RELT: variants seen among roughly 807,000 people sequenced by gnomAD.
RELT encodes tumor necrosis factor receptor superfamily member 19L.
A neutral mutation model predicts 51.1 loss-of-function variants in RELT; 37 were observed. The observed-to-expected ratio is 0.72, with a 90% CI of 0.56 to 0.95. RELT has a LOEUF of 0.95. RELT is among the 40% of genes least tolerant of loss of function. RELT has a pLI of 0.00. For synonymous variants in RELT, 241 were observed against 235.7 expected (o/e 1.02, Z -0.21); for missense variants, 535 against 572.6 (o/e 0.93, Z 0.67).
chr11:73,389,663 C>T (rs1241529277), intron 2 of RELT, among the ~76,000 whole-genome samples: 1 of 152,252 alleles, frequency 6.6e-6, no homozygotes, highest in Non-Finnish European at 1.5e-5. Flanking sequence ...CTTGCAGCAT[C>T]TTGGGGTCTG....
chr11:73,396,592 G>T lies in RELT; in HGVS notation c.*1101G>T, dbSNP rs1866322712. The T allele has an allele frequency of 6.6e-6, 1 of 152,294 alleles. No homozygotes were observed. 9.4% of individuals were successfully genotyped at this position (152,294 alleles called of 1,614,324 possible). On this transcript the variant is annotated 3_prime_UTR_variant, in exon 11 of 11. Coordinates refer to ENST00000064780, the MANE Select transcript of RELT (RefSeq NM_152222.2). ...TGAAACTCACCATTGCCCTATCCTT[G>T]TGTCTCCACCCCCTTCCATGTGTTG...
rs1003649904 is a variant in RELT at position 73,389,127 on chromosome 11, G to A, written c.-10G>A. On this transcript the variant is annotated 5_prime_UTR_variant, in exon 2 of 11. Coordinates refer to ENST00000064780, the MANE Select transcript of RELT (RefSeq NM_152222.2). ...TCTGCCCTAGGCCGGCGACCACCAG[G>A]GGCCTGAGGATGAAGCCAAGTCTGC... 6.5e-7 allele frequency: 1 copy of A among 1,547,642 alleles called. No individual in the cohort carries two copies. The highest frequency in any genetic ancestry group is 8.7e-7 in the Non-Finnish European group (1 of 1,146,118).
Position 73,390,613 on chromosome 11 carries a change from G to A in RELT, c.108G>A (p.Glu36=), listed in dbSNP as rs1866195900. The part of the protein sequence containing the change: ...STTLWQCPPG[E]EPDLDPGQGT... ...CCCTTTGGCAGTGCCCACCTGGGGA[G>A]GAGCCCGACCTGGTGAGCATTGCCC... The change falls in exon 3 of 11, where the codon GAG becomes GAA. Residue 36 remains glutamate (E), a synonymous_variant. Coordinates refer to ENST00000064780, the MANE Select transcript of RELT (RefSeq NM_152222.2). The A allele has an allele frequency of 1.2e-6, 2 of 1,613,816 alleles. No individual in the cohort carries two copies. Among genetic ancestry groups the A allele is most frequent in the South Asian group, 1.1e-5 (1 of 91,092 alleles).
rs745459138 is a variant in RELT, at chr11:73,392,247, C to T, written c.404C>T (p.Ala135Val). ...GRRARRGVEVAAGASSGGETR... is the reference protein window; with the variant it reads ...GRRARRGVEVVAGASSGGETR... ...CGGGCCCGACGTGGCGTGGAGGTGG[C>T]AGCAGGGGCCAGCAGCGGTGGTGAG... The change falls in exon 6 of 11, where the codon GCA becomes GTA. Residue 135 changes from alanine to valine, a missense_variant. Coordinates refer to ENST00000064780, the MANE Select transcript of RELT (RefSeq NM_152222.2). The T allele has an allele frequency of 6.2e-7, 1 of 1,612,524 alleles. No homozygotes were observed. Among genetic ancestry groups the T allele is most frequent in the Non-Finnish European group, 8.5e-7 (1 of 1,179,556 alleles).
chr11:73,386,537 C>A (rs1866126483), intron 1 of RELT, among the ~76,000 whole-genome samples: 1 of 152,284 alleles, frequency 6.6e-6, no homozygotes, highest in Non-Finnish European at 1.5e-5. Context: ...TCAGTCTGGG[C>A]TGAGTGTGGG....
At chr11:73,386,386 A>T (rs775966423) in intron 1 of RELT, among the ~76,000 whole-genome samples, 1 of 152,154 alleles carries the variant, frequency 6.6e-6, no homozygotes, top group Non-Finnish European at 1.5e-5. Context: ...CTTCCATCTA[A>T]CTGTTTTTTT....
chr11:73,378,807 G>A (rs1233165688), intron 1 of RELT, among the ~76,000 whole-genome samples: 1 of 152,246 alleles, frequency 6.6e-6, no homozygotes, highest in Non-Finnish European at 1.5e-5. Flanking sequence ...CTAGAGCCTG[G>A]ACCTGGCTTT....
chr11:73,391,300 C>T, intron 5 of RELT, 77 bp downstream of exon 5: 1 of 1,350,890 alleles, frequency 7.4e-7, no homozygotes, highest in South Asian at 1.3e-5. Context: ...CCAGCAGCCT[C>T]TGCAGTGTTC....
At chr11:73,378,303 G>C (rs1866000859) in intron 1 of RELT, among the ~76,000 whole-genome samples, 1 of 152,054 alleles carries the variant, frequency 6.6e-6, no homozygotes, top group African/African-American at 2.4e-5. Flanking sequence ...GTCTTCTGCT[G>C]TCGTCCTCTG....
Position 73,385,995 on chromosome 11 carries a change from C to G in RELT, c.-25-3117C>G, listed in dbSNP as rs1866117519. ...GAGCTGTGATCGTGCTACTGCAGTC[C>G]ATCCTGGATGGCAGAGTGAGACACT... On this transcript the variant is annotated intron_variant, in intron 1 of 10. Transcript: ENST00000064780. Among the ~76,000 whole-genome samples the G allele has an allele frequency of 2.0e-5, 3 of 152,226 alleles. No individual in the cohort carries two copies. The South Asian group carries it at 6.2e-4, about 31-fold the overall frequency.
chr11:73,389,668 G>A (rs55885773), intron 2 of RELT, among the ~76,000 whole-genome samples: 10,784 of 152,332 alleles, frequency 0.071, 455 homozygotes, highest in Non-Finnish European at 0.097. Flanking sequence ...AGCATCTTGG[G>A]GTCTGCCCTG....
chr11:73,390,321 C>A (rs770680641), intron 2 of RELT, among the ~76,000 whole-genome samples: 3 of 152,122 alleles, frequency 2.0e-5, no homozygotes, highest in Non-Finnish European at 4.4e-5. Context: ...CTTTCCAGAG[C>A]CAGATGTGGC....
rs1341327762 is a variant in RELT at position 73,394,703 on chromosome 11, C to G, written c.1015C>G (p.Gln339Glu). The G allele has an allele frequency of 6.2e-7, 1 of 1,611,944 alleles. No homozygotes were observed. The highest frequency in any genetic ancestry group is 8.5e-7 in the Non-Finnish European group (1 of 1,179,934). The change falls in exon 9 of 11, where the codon CAG (glutamine) becomes GAG (glutamate). Residue 339 changes from glutamine to glutamate, a missense_variant. Physicochemically the swap from Gln to Glu is conservative, Grantham distance 29. Transcript: ENST00000064780. The surrounding 1 kb of genome is among the most constrained non-coding windows in gnomAD (Gnocchi z 4.9). The part of the protein sequence containing the change: ...VPKAGAKAGR[Q>E]GEITILSVGR... Reference sequence around the variant, plus strand: ...CAAGGCCGGGGCCAAGGCAGGGCGTCAGGGCGAGATCACCATCTTGTCTGT... The same window carrying G: ...CAAGGCCGGGGCCAAGGCAGGGCGTGAGGGCGAGATCACCATCTTGTCTGT...
chr11:73,392,168 G>A, intron 5 of RELT, 43 bp from the exon 6 acceptor site: 3 of 1,596,652 alleles, frequency 1.9e-6, no homozygotes, highest in East Asian at 2.3e-5. Context: ...CTGTGTTTGT[G>A]TCACTCTGCT....
intron 2 of RELT, among the ~76,000 whole-genome samples, chr11:73,389,821 A>G (rs1373010377): frequency 2.0e-5 from 3 of 152,308 alleles, no homozygotes; most frequent in Non-Finnish European, 2.9e-5. Context: ...GGAGATCCCT[A>G]TTCCATCTCC....
chr11:73,389,178 T>G lies in RELT; in HGVS notation c.42T>G (p.Leu14=). ...TGTGCCGGCCCCTGTCCTGCTTCCT[T>G]ATGGTGAGCTGGGGATGGGCCCTGG... The part of the protein sequence containing the change: ...SLLCRPLSCF[L]MLLPWPLATL... The change falls in exon 2 of 11, where the codon CTT becomes CTG. Residue 14 remains leucine, a synonymous_variant. Transcript: ENST00000064780. 1.3e-6 allele frequency: 2 copies of G among 1,546,888 alleles called. No homozygotes were observed.
rs1428014277 is a variant in RELT, at chr11:73,394,289, G to A, written c.760G>A (p.Val254Met). 4.3e-6 allele frequency: 7 copies of A among 1,612,704 alleles called. No homozygotes were observed. Among genetic ancestry groups the A allele is most frequent in the Non-Finnish European group, 5.9e-6 (7 of 1,179,820 alleles). ...LLKEYHSKQL[V>M]QTSHRPVSKL... ...GAAAGAGTACCACAGCAAACAGCTG[G>A]TGCAGACGAGCCACAGGCCTGTGTC... The change falls in exon 8 of 11, where the codon GTG (valine) becomes ATG (methionine). Residue 254 changes from valine (V) to methionine (M), a missense_variant. By Grantham distance (21) the Val-to-Met change is conservative. Transcript: ENST00000064780. The surrounding 1 kb of genome is among the most constrained non-coding windows in gnomAD (Gnocchi z 4.9).
In RELT at chr11:73,394,923, G is replaced by A. The variant is rs972282499; in HGVS notation, c.1047-164G>A. On this transcript the variant is annotated intron_variant, in intron 9 of 10. Coordinates refer to ENST00000064780, the MANE Select transcript of RELT (RefSeq NM_152222.2). The surrounding 1 kb of genome is among the most constrained non-coding windows in gnomAD (Gnocchi z 4.9). ...TTTCCGGTTATGTTGTGTCTCACAT[G>A]GAGCCCTTGCATCCCTAGGGCAGCA... 1.1e-5 allele frequency: 10 copies of A among 890,488 alleles called. No homozygotes were observed. The Admixed American group carries it at 1.7e-4, about 15-fold the overall frequency. 55.2% of individuals were successfully genotyped at this position (890,488 alleles called of 1,614,324 possible). A position where few individuals can be genotyped will look rare whatever the true frequency, so the allele number is the denominator to read the frequency against.
chr11:73,377,874 G>A (rs1352573947), intron 1 of RELT, among the ~76,000 whole-genome samples: 1 of 151,960 alleles, frequency 6.6e-6, no homozygotes, highest in Non-Finnish European at 1.5e-5. Context: ...GGGACACAGC[G>A]GCCCAGGGGC....
Sources: allele counts gnomAD v4.1 joint callset (sites outside exome capture counted in the v4.1 genomes callset), GRCh38; gene constraint gnomAD v4.1.1; non-coding constraint Gnocchi (gnomAD v3.1); transcripts MANE v1.5; gene names NCBI Gene and HGNC (gene_info 2026-07-23, HGNC 2026-07-21).